PMF1: variants seen among roughly 807,000 people sequenced by gnomAD.
PMF1 encodes polyamine modulated factor 1.
In PMF1, 21 loss-of-function variants were observed where a neutral mutation model predicts 26.7. The observed-to-expected ratio is 0.79, with a 90% CI of 0.56 to 1.13. The LOEUF (loss-of-function observed/expected upper bound fraction) is 1.13, where lower values mean the gene tolerates loss of function less well. PMF1 is among the 50% of genes most tolerant of loss of function. The probability of loss-of-function intolerance (pLI) is 0.00; values close to 1 mark genes in which losing one functional copy is unlikely to be tolerated. For missense variants in PMF1, 266 were observed against 254.9 expected (o/e 1.04, Z -0.30); for synonymous variants, 105 against 101.0 (o/e 1.04, Z -0.24).
chr1:156,233,509 A>G, intron 2 of PMF1, 119 bp from the exon 3 acceptor site: 1 of 933,392 alleles, frequency 1.1e-6, no homozygotes, highest in Non-Finnish European at 1.6e-6. Flanking sequence ...TGTCAGGGAA[A>G]GCATAAAGAC....
chr1:156,225,555 A>G lies in PMF1; in HGVS notation c.162-6765A>G, dbSNP rs1291002367. ...TTCTCAGCCTGTTTGTTTTGTTCTC[A>G]GCTCTCCACTCCTTCATTGGGACGG... On this transcript the variant is annotated intron_variant, in intron 1 of 4. Transcript: ENST00000368277. The G allele has an allele frequency of 2.0e-6, 3 of 1,532,630 alleles. No individual in the cohort carries two copies. The highest frequency in any genetic ancestry group is 2.7e-6 in the Non-Finnish European group (3 of 1,130,344). The allele number at this position is 1,532,630 out of a possible 1,614,324, so 94.9% of individuals were successfully genotyped here. A position where few individuals can be genotyped will look rare whatever the true frequency, so the allele number is the denominator to read the frequency against.
intron 1 of PMF1, among the ~76,000 whole-genome samples, chr1:156,218,304 C>T (rs189157867): frequency 1.6e-3 from 242 of 152,228 alleles, no homozygotes; most frequent in African/African-American, 5.7e-3. Context: ...TGATGATGTC[C>T]TTTGAGGAAC....
At chr1:156,213,992 A>G (rs1247358010) in intron 1 of PMF1, among the ~76,000 whole-genome samples, 6 of 151,954 alleles carry the variant, frequency 3.9e-5, no homozygotes, top group Non-Finnish European at 7.4e-5. Flanking sequence ...GCTCATTGCA[A>G]CCTCCGTCTC....
chr1:156,214,608 T>C (rs1227276113), intron 1 of PMF1, among the ~76,000 whole-genome samples: 1 of 152,102 alleles, frequency 6.6e-6, no homozygotes, highest in Non-Finnish European at 1.5e-5. Context: ...GTGTCAACAG[T>C]GACTCATGCC....
At chr1:156,232,560 G>T (rs2103119511) in intron 2 of PMF1, 135 bp downstream of exon 2, 3 of 723,038 alleles carry the variant, frequency 4.1e-6, no homozygotes, top group South Asian at 3.5e-5. Context: ...TGCCCAGCAG[G>T]CTGCAGCATC....
intron 1 of PMF1, among the ~76,000 whole-genome samples, chr1:156,220,458 C>T (rs182999080): frequency 1.8e-3 from 278 of 152,200 alleles, no homozygotes; most frequent in Non-Finnish European, 3.0e-3. Context: ...AAGTGATCCT[C>T]CCGCCTCAGC....
intron 1 of PMF1, among the ~76,000 whole-genome samples, chr1:156,216,361 A>G (rs1006515846): frequency 6.6e-6 from 1 of 152,170 alleles, no homozygotes; most frequent in Non-Finnish European, 1.5e-5. Flanking sequence ...ATTGCATTCT[A>G]GCCTGGGCAA....
intron 1 of PMF1, among the ~76,000 whole-genome samples, chr1:156,215,653 G>C (rs1657657894): frequency 6.6e-6 from 1 of 151,808 alleles, no homozygotes; most frequent in Non-Finnish European, 1.5e-5. Flanking sequence ...CAGCCTCCCA[G>C]AGTGCTAGGA....
chr1:156,235,145 A>C (rs1031437943), intron 3 of PMF1, among the ~76,000 whole-genome samples: 2 of 148,354 alleles, frequency 1.3e-5, no homozygotes, highest in Non-Finnish European at 3.0e-5. Flanking sequence ...TTTGAGATGG[A>C]GTCTCACTCA....
chr1:156,237,241 T>C (rs987345530), intron 4 of PMF1: 3 of 151,804 alleles, frequency 2.0e-5, no homozygotes. Flanking sequence ...CACTTTGCAA[T>C]ATGGAGTACA....
At chr1:156,226,865 G>C (rs1254070078) in intron 1 of PMF1, among the ~76,000 whole-genome samples, 1 of 152,196 alleles carries the variant, frequency 6.6e-6, no homozygotes, top group Non-Finnish European at 1.5e-5. Flanking sequence ...GGGTAGCTGG[G>C]TGACCTCTTA....
chr1:156,236,847 T>C (rs1659047810), intron 4 of PMF1: 1 of 261,860 alleles, frequency 3.8e-6, no homozygotes, highest in Non-Finnish European at 7.3e-6. Context: ...CCAACATAGA[T>C]ATATATATTC....
intron 4 of PMF1, 120 bp downstream of exon 4, chr1:156,236,603 C>T (rs1482402575): frequency 7.6e-7 from 1 of 1,321,486 alleles, no homozygotes; most frequent in African/African-American, 1.5e-5. Flanking sequence ...AGAGCTTGCC[C>T]CCTGGGGAAC....
intron 1 of PMF1, among the ~76,000 whole-genome samples, chr1:156,217,224 AAAGTAT>A (rs971841177): frequency 7.6e-6 from 1 of 131,566 alleles, no homozygotes; most frequent in African/African-American, 3.1e-5. Context: ...CCTAAAACTT[AAAGTAT>A]AATAAAAAAA....
rs1407001469 is a variant in PMF1, at chr1:156,232,391, A to C, written c.233A>C (p.Asp78Ala). ...CCTGCGATGACACAGCAAATCTATG[A>C]CAAGTTTATAGCTCAGTTGCAGACA... Reference protein sequence around the residue: ...LQPAMTQQIYDKFIAQLQTSI... With the variant: ...LQPAMTQQIYAKFIAQLQTSI... Residue 78 changes from aspartate (D) to alanine (A), a missense_variant, in exon 2 of 5, where the codon GAC becomes GCC. By Grantham distance (126) the Asp-to-Ala change is moderately radical. Coordinates refer to ENST00000368277, the MANE Select transcript of PMF1 (RefSeq NM_007221.4). 1 of 1,614,046 alleles carries C rather than the reference A, an allele frequency of 6.2e-7. No homozygotes were observed. The highest frequency in any genetic ancestry group is 8.5e-7 in the Non-Finnish European group (1 of 1,179,894).
intron 1 of PMF1, among the ~76,000 whole-genome samples, chr1:156,230,667 G>C: frequency 6.6e-6 from 1 of 152,180 alleles, no homozygotes; most frequent in Non-Finnish European, 1.5e-5. Flanking sequence ...TGTCCAAGAG[G>C]AATGAGCCAT....
intron 1 of PMF1, among the ~76,000 whole-genome samples, chr1:156,224,790 A>C (rs1204691764): frequency 6.6e-6 from 1 of 152,092 alleles, no homozygotes; most frequent in Non-Finnish European, 1.5e-5. Context: ...TAAAAAAGAA[A>C]CATTTATCTC....
intron 1 of PMF1, among the ~76,000 whole-genome samples, chr1:156,215,540 A>G (rs902163947): frequency 7.2e-6 from 1 of 138,916 alleles, no homozygotes; most frequent in African/African-American, 2.5e-5. Context: ...ATGTCCCCCC[A>G]TTTATTTATT....
intron 1 of PMF1, among the ~76,000 whole-genome samples, chr1:156,222,979 C>CTGTTG (rs1218497279): frequency 6.6e-6 from 1 of 152,226 alleles, no homozygotes; most frequent in Admixed American, 6.5e-5. Flanking sequence ...GTGCCAAAGA[C>CTGTTG]TGTTGGTGTT....
Sources: allele counts gnomAD v4.1 joint callset (sites outside exome capture counted in the v4.1 genomes callset), GRCh38; gene constraint gnomAD v4.1.1; transcripts MANE v1.5; gene names NCBI Gene and HGNC (gene_info 2026-07-23, HGNC 2026-07-21).